Variants in LHFPL2 observed in about 807,000 individuals in gnomAD.
The protein encoded by LHFPL2 is LHFPL tetraspan subfamily member 2 protein.
LHFPL2 carries 7 observed loss-of-function variants against 17.5 expected under a neutral mutation model. The ratio of observed to expected loss-of-function variants is 0.40; its 90% confidence interval spans 0.23 to 0.75. The LOEUF (loss-of-function observed/expected upper bound fraction) is 0.75. Ranked by LOEUF, LHFPL2 falls within the 30% of genes least tolerant of loss-of-function variation. The probability of loss-of-function intolerance (pLI) is 0.37; values close to 1 mark genes in which losing one functional copy is unlikely to be tolerated. For missense variants in LHFPL2, 241 were observed against 294.8 expected (o/e 0.82, Z 1.34); for synonymous variants, 134 against 116.2 (o/e 1.15, Z -0.99).
intron 4 of LHFPL2, among the ~76,000 whole-genome samples, chr5:78,489,408 T>C (rs1245707175): frequency 1.3e-5 from 2 of 152,210 alleles, no homozygotes; most frequent in Admixed American, 1.3e-4. Context: ...AGCAAATTGG[T>C]ACTTTTCTTC....
chr5:78,638,475 T>TCGTGATCTAC (rs1745542218), intron 1 of LHFPL2, among the ~76,000 whole-genome samples: 1 of 152,250 alleles, frequency 6.6e-6, no homozygotes, highest in African/African-American at 2.4e-5. Flanking sequence ...GGCAGGACTA[T>TCGTGATCTAC]AGACCTCGTG....
At chr5:78,556,613 C>A (rs1756578229) in intron 3 of LHFPL2, among the ~76,000 whole-genome samples, 1 of 151,796 alleles carries the variant, frequency 6.6e-6, no homozygotes, top group South Asian at 2.1e-4. Flanking sequence ...TTAAAAAAAT[C>A]AGAACTCAAA....
At chr5:78,565,263 G>T (rs190269566) in intron 2 of LHFPL2, among the ~76,000 whole-genome samples, 1 of 152,264 alleles carries the variant, frequency 6.6e-6, no homozygotes, top group African/African-American at 2.4e-5. Flanking sequence ...ACAAAATTGT[G>T]ACTGAAAAAA....
rs140204408 is a variant in LHFPL2, at chr5:78,488,996, G to A, written c.588C>T (p.Phe196=). Residue 196 remains phenylalanine, a synonymous_variant, in exon 5 of 5, where the codon TTC becomes TTT. Transcript: ENST00000380345. ...CTTGTGCAGAGAAGACAGCACAGATGAAAGTGAGGACTGTGCCCCCAATGG... is the reference window on the plus strand; with the variant it reads ...CTTGTGCAGAGAAGACAGCACAGATAAAAGTGAGGACTGTGCCCCCAATGG... The part of the protein sequence containing the change: ...YTAIGGTVLT[F]ICAVFSAQAE... The A allele has an allele frequency of 5.6e-6, 9 of 1,614,108 alleles. No homozygotes were observed. In the South Asian group the frequency reaches 9.9e-5, roughly 18 times the overall value.
chr5:78,582,201 A>G (rs531352893), intron 2 of LHFPL2, among the ~76,000 whole-genome samples: 2 of 152,226 alleles, frequency 1.3e-5, no homozygotes, highest in African/African-American at 4.8e-5. Context: ...TCTTGCTAGC[A>G]GTTTATCAAT....
At chr5:78,627,514 C>T (rs1254309984) in intron 2 of LHFPL2, among the ~76,000 whole-genome samples, 1 of 152,150 alleles carries the variant, frequency 6.6e-6, no homozygotes, top group African/African-American at 2.4e-5. Flanking sequence ...TTATTGCTCT[C>T]CTCCTCATCC....
intron 2 of LHFPL2, among the ~76,000 whole-genome samples, chr5:78,582,450 G>T (rs1371079480): frequency 1.3e-5 from 2 of 150,684 alleles, no homozygotes; most frequent in Non-Finnish European, 3.0e-5. Context: ...TCTACACACT[G>T]CTTTGAATGC....
chr5:78,636,254 A>G (rs1482166156), intron 1 of LHFPL2, among the ~76,000 whole-genome samples: 1 of 152,248 alleles, frequency 6.6e-6, no homozygotes, highest in Non-Finnish European at 1.5e-5. Context: ...TAACGTATAA[A>G]TCACAAATGC....
chr5:78,521,146 T>C (rs957416812), intron 3 of LHFPL2, among the ~76,000 whole-genome samples: 1 of 152,240 alleles, frequency 6.6e-6, no homozygotes, highest in Non-Finnish European at 1.5e-5. Context: ...TTTAAGTGAC[T>C]TAGCTTCAGG....
At chr5:78,573,910 A>G (rs564750277) in intron 2 of LHFPL2, among the ~76,000 whole-genome samples, 19 of 152,206 alleles carry the variant, frequency 1.2e-4, no homozygotes, top group Non-Finnish European at 2.5e-4. Context: ...TGAATTTTGT[A>G]TAATAGGAAT....
chr5:78,560,143 T>G (rs976987569), intron 3 of LHFPL2, among the ~76,000 whole-genome samples: 24 of 152,184 alleles, frequency 1.6e-4, no homozygotes, highest in African/African-American at 5.8e-4. Flanking sequence ...CTCACCACCA[T>G]CACCTCATAA....
intron 3 of LHFPL2, among the ~76,000 whole-genome samples, chr5:78,534,518 C>T (rs910651874): frequency 2.6e-5 from 4 of 152,216 alleles, no homozygotes; most frequent in East Asian, 3.9e-4. Context: ...CCCTCCCCAG[C>T]GCTGACTCAC....
chr5:78,509,901 C>T lies in LHFPL2; in HGVS notation c.313G>A (p.Ala105Thr), dbSNP rs148837077. Residue 105 changes from alanine to threonine, a missense_variant, in exon 4 of 5, where the codon GCT becomes ACT. Coordinates refer to ENST00000380345, the MANE Select transcript of LHFPL2 (RefSeq NM_005779.3). ...GFWQATAIFL[A>T]VGIFILCMVA... ...ATGCAGAGAATAAAGATTCCCACAG[C>T]CAGGAAAATAGCTGTGGCCTGCCAG... The T allele has an allele frequency of 9.3e-6, 15 of 1,613,544 alleles. No homozygotes were observed. The African/African-American group carries it at 2.0e-4, about 22-fold the overall frequency.
At chr5:78,576,191 A>T (rs1197972118) in intron 2 of LHFPL2, among the ~76,000 whole-genome samples, 1 of 151,946 alleles carries the variant, frequency 6.6e-6, no homozygotes, top group African/African-American at 2.4e-5. Flanking sequence ...GCTACTCCGG[A>T]GGCTGAGGCA....
At chr5:78,587,376 G>A (rs1384638341) in intron 2 of LHFPL2, among the ~76,000 whole-genome samples, 1 of 152,122 alleles carries the variant, frequency 6.6e-6, no homozygotes, top group African/African-American at 2.4e-5. Context: ...CACTTTAAAG[G>A]GTCTGCAGGC....
In LHFPL2 at chr5:78,572,515, C is replaced by CACACATATATATAT. The variant is rs1436102213; in HGVS notation, c.-244-7658_-244-7645dup. Among the ~76,000 whole-genome samples, 147 of 148,860 alleles carry CACACATATATATAT rather than the reference C, an allele frequency of 9.9e-4. 1 individual carries two copies. Among genetic ancestry groups the CACACATATATATAT allele is most frequent in the Non-Finnish European group, 1.6e-3 (107 of 67,268 alleles). On this transcript the variant is annotated intron_variant, in intron 2 of 4. Transcript: ENST00000380345. ...ATATGTGTGTATATATATATATACA[C>CACACATATATATAT]ACACATATATATATATACACACACA...
intron 1 of LHFPL2, among the ~76,000 whole-genome samples, chr5:78,636,073 C>A (rs1340193502): frequency 1.3e-5 from 2 of 152,054 alleles, no homozygotes; most frequent in African/African-American, 4.8e-5. Flanking sequence ...TAGTGCCCTC[C>A]CAGGCATCCT....
intron 4 of LHFPL2, among the ~76,000 whole-genome samples, chr5:78,490,713 A>T (rs1234277250): frequency 1.4e-5 from 2 of 140,102 alleles, no homozygotes. Flanking sequence ...GGGCCACTGC[A>T]CTCCAGCCTG....
At chr5:78,614,361 G>A (rs550185158) in intron 2 of LHFPL2, among the ~76,000 whole-genome samples, 1 of 152,314 alleles carries the variant, frequency 6.6e-6, no homozygotes, top group Admixed American at 6.5e-5. Flanking sequence ...GTCCCCAAAG[G>A]GTGGGAGATG....
Sources: allele counts gnomAD v4.1 joint callset (sites outside exome capture counted in the v4.1 genomes callset), GRCh38; gene constraint gnomAD v4.1.1; transcripts MANE v1.5; gene names NCBI Gene and HGNC (gene_info 2026-07-23, HGNC 2026-07-21).